Variants in GHITM observed in about 807,000 individuals in gnomAD.
The protein encoded by GHITM is growth hormone inducible transmembrane protein.
GHITM carries 24 observed loss-of-function variants against 38.7 expected under a neutral mutation model. The ratio of observed to expected loss-of-function variants is 0.62; its 90% CI spans 0.45 to 0.87. The LOEUF is 0.87. Among genes scored for constraint, GHITM ranks in the 40% least tolerant of loss-of-function variants. The pLI is 0.00. For synonymous variants in GHITM, 154 were observed against 147.8 expected (o/e 1.04, Z -0.30); for missense variants, 420 against 429.8 (o/e 0.98, Z 0.20).
At position 84,152,471 on chromosome 10, in the gene GHITM, A is replaced by G. The variant is rs1392371093; in HGVS notation, c.*123A>G. On this transcript the variant is annotated 3_prime_UTR_variant, in exon 9 of 9. Transcript: ENST00000372134. ...TAGAAGATAAGAAACATGTCATCATATTTAAATGTTCCGGTAATGTGATGC... is the reference window on the plus strand; with the variant it reads ...TAGAAGATAAGAAACATGTCATCATGTTTAAATGTTCCGGTAATGTGATGC... 11 of 512,484 alleles carry G rather than the reference A, an allele frequency of 2.1e-5. No homozygotes were observed. The highest frequency in any genetic ancestry group is 2.0e-4 in the African/African-American group (10 of 51,148). 31.7% of individuals were successfully genotyped at this position (512,484 alleles called of 1,614,324 possible). A position where few individuals can be genotyped will look rare whatever the true frequency, so the allele number is the denominator to read the frequency against.
chr10:84,148,948 A>G (rs1841584013), intron 6 of GHITM, 110 bp downstream of exon 6: 1 of 693,448 alleles, frequency 1.4e-6, no homozygotes, highest in South Asian at 1.6e-5. Flanking sequence ...TGTTTAGAAA[A>G]CACCATTTTC....
chr10:84,140,405 C>T (rs1416441203), intron 1 of GHITM: 2 of 152,154 alleles, frequency 1.3e-5, no homozygotes, highest in African/African-American at 2.4e-5. Flanking sequence ...CGTTCTTGGT[C>T]TTATTCCTAG....
intron 5 of GHITM, among the ~76,000 whole-genome samples, chr10:84,147,691 T>C (rs373419491): frequency 6.6e-6 from 1 of 152,328 alleles, no homozygotes; most frequent in Admixed American, 6.5e-5. Flanking sequence ...GGCTACAAGT[T>C]TGCAATCTCT....
At chr10:84,145,980 G>C (rs1380427885) in intron 5 of GHITM, among the ~76,000 whole-genome samples, 2 of 152,150 alleles carry the variant, frequency 1.3e-5, no homozygotes, top group Non-Finnish European at 2.9e-5. Flanking sequence ...AAGATTGCTT[G>C]AGCCCAGGAA....
intron 5 of GHITM, among the ~76,000 whole-genome samples, chr10:84,145,268 G>T (rs574152931): frequency 7.0e-4 from 107 of 152,246 alleles, no homozygotes; most frequent in Non-Finnish European, 1.4e-3. Context: ...TTGAATTAGG[G>T]ATCCTGAACC....
intron 2 of GHITM, 143 bp downstream of exon 2, chr10:84,141,772 A>G: frequency 1.3e-6 from 1 of 740,828 alleles, no homozygotes; most frequent in Non-Finnish European, 2.3e-6. Flanking sequence ...TCTCCCCATT[A>G]GTTTGTATCA....
At chr10:84,140,072 G>C (rs1455022541) in intron 1 of GHITM, 2 of 148,770 alleles carry the variant, frequency 1.3e-5, no homozygotes, top group Non-Finnish European at 3.0e-5. Context: ...AACGACATCT[G>C]AGTCTTAGAG....
At chr10:84,142,292 C>T (rs1326958413) in intron 2 of GHITM, among the ~76,000 whole-genome samples, 1 of 152,098 alleles carries the variant, frequency 6.6e-6, no homozygotes, top group Non-Finnish European at 1.5e-5. Flanking sequence ...TTGTAGAATG[C>T]ATATCTTAAA....
At position 84,139,569 on chromosome 10, in the gene GHITM, G is replaced by C. The variant is rs1026726505; in HGVS notation, c.-64G>C. 6.6e-5 allele frequency: 10 copies of C among 152,334 alleles called. No homozygotes were observed. Among genetic ancestry groups the C allele is most frequent in the African/African-American group, 2.4e-4 (10 of 41,468 alleles). 9.4% of individuals were successfully genotyped at this position (152,334 alleles called of 1,614,324 possible). Reference sequence around the variant, plus strand: ...GCTAGGGGCCCGGAAGGGAAACTGCGAGGCGAAGGTGACCGGGGACCGAGG... The same window carrying C: ...GCTAGGGGCCCGGAAGGGAAACTGCCAGGCGAAGGTGACCGGGGACCGAGG... On this transcript the variant is annotated 5_prime_UTR_variant, in exon 1 of 9. Transcript: ENST00000372134.
chr10:84,148,983 T>C, intron 6 of GHITM, 145 bp downstream of exon 6: 2 of 627,726 alleles, frequency 3.2e-6, no homozygotes, highest in Non-Finnish European at 5.8e-6. Context: ...GCTGCATTAT[T>C]GCCAGACCTT....
At chr10:84,152,211 A>G (rs1418075113) in intron 8 of GHITM, 53 bp from the exon 9 acceptor site, 2 of 796,450 alleles carry the variant, frequency 2.5e-6, no homozygotes, top group Non-Finnish European at 4.2e-6. Flanking sequence ...TTAAGAATTC[A>G]ACATCACTAT....
intron 5 of GHITM, among the ~76,000 whole-genome samples, chr10:84,147,685 A>G (rs1317414000): frequency 6.6e-6 from 1 of 152,118 alleles, no homozygotes; most frequent in Non-Finnish European, 1.5e-5. Context: ...TCCAAGGGCT[A>G]CAAGTTTGCA....
chr10:84,149,506 G>A (rs1841589823), intron 6 of GHITM, among the ~76,000 whole-genome samples: 1 of 151,822 alleles, frequency 6.6e-6, no homozygotes, highest in African/African-American at 2.4e-5. Context: ...CAATTAAGGA[G>A]TTCCATTTAC....
chr10:84,149,020 A>ATT (rs1841584593), intron 6 of GHITM, among the ~76,000 whole-genome samples, 182 bp downstream of exon 6: 1 of 152,152 alleles, frequency 6.6e-6, no homozygotes, highest in Non-Finnish European at 1.5e-5. Context: ...TTTTGCTAAG[A>ATT]CCATGGACAT....
intron 8 of GHITM, among the ~76,000 whole-genome samples, chr10:84,151,096 C>A (rs4933311): frequency 1.3e-5 from 2 of 151,990 alleles, no homozygotes; most frequent in Non-Finnish European, 2.9e-5. Flanking sequence ...TTCTGAGGGC[C>A]CTGAGGGAAA....
rs1429342692 is a variant in GHITM, at chr10:84,144,011, A to G, written c.246A>G (p.Arg82=). 6.2e-7 allele frequency: 1 copy of G among 1,613,248 alleles called. No individual in the cohort carries two copies. Among genetic ancestry groups the G allele is most frequent in the South Asian group, 1.1e-5 (1 of 91,064 alleles). Residue 82 remains arginine (R), a synonymous_variant, in exon 4 of 9, where the codon AGA becomes AGG. Coordinates refer to ENST00000372134, the MANE Select transcript of GHITM (RefSeq NM_014394.3). ...EKIFKIDQMG[R]WFVAGGAAVG... ...GTTCTGCAGTTGATCAGATGGGAAGATGGTTTGTTGCTGGAGGGGCTGCTG... is the reference window on the plus strand; with the variant it reads ...GTTCTGCAGTTGATCAGATGGGAAGGTGGTTTGTTGCTGGAGGGGCTGCTG...
At chr10:84,141,703 G>A in intron 2 of GHITM, 74 bp downstream of exon 2, 1 of 1,392,146 alleles carries the variant, frequency 7.2e-7, no homozygotes, top group Non-Finnish European at 1.0e-6. Context: ...GAGTATGGCT[G>A]CTCTGCCTTT....
chr10:84,142,467 ATTTATTT>A (rs1410252532), intron 2 of GHITM, among the ~76,000 whole-genome samples, 181 bp from the exon 3 acceptor site: 1 of 152,236 alleles, frequency 6.6e-6, no homozygotes, highest in East Asian at 1.9e-4. Flanking sequence ...GAAGGTCTAC[ATTTATTT>A]ATTTATTTTT....
intron 5 of GHITM, among the ~76,000 whole-genome samples, chr10:84,146,626 G>C (rs538540256): frequency 2.1e-4 from 32 of 152,258 alleles, no homozygotes; most frequent in African/African-American, 7.7e-4. Flanking sequence ...GTTTCACTGG[G>C]GATGTCAGTT....
Sources: allele counts gnomAD v4.1 joint callset (sites outside exome capture counted in the v4.1 genomes callset), GRCh38; gene constraint gnomAD v4.1.1; transcripts MANE v1.5; gene names NCBI Gene and HGNC (gene_info 2026-07-23, HGNC 2026-07-21).